Variants in RICTOR observed in about 807,000 individuals in gnomAD.
The protein encoded by RICTOR is RPTOR independent companion of MTOR complex 2.
RICTOR carries 49 observed loss-of-function variants against 214.9 expected under a neutral mutation model. The ratio of observed to expected loss-of-function variants is 0.23; its 90% confidence interval spans 0.18 to 0.29. The LOEUF (loss-of-function observed/expected upper bound fraction) is 0.29, where lower values mean the gene tolerates loss of function less well. RICTOR is among the 10% of genes least tolerant of loss of function. The pLI is 1.00. For missense variants in RICTOR, 1,625 were observed against 2,047.0 expected (o/e 0.79, Z 3.98); for synonymous variants, 717 against 711.3 (o/e 1.01, Z -0.13).
chr5:39,009,294 C>T (rs1754309058), intron 3 of RICTOR, among the ~76,000 whole-genome samples: 1 of 152,038 alleles, frequency 6.6e-6, no homozygotes, highest in Non-Finnish European at 1.5e-5. Flanking sequence ...AATATATGAC[C>T]ATTTATCACT....
At chr5:38,944,386 T>C (rs1747941697) in intron 36 of RICTOR, 60 bp downstream of exon 36, 5 of 1,523,348 alleles carry the variant, frequency 3.3e-6, no homozygotes, top group Non-Finnish European at 3.6e-6. Flanking sequence ...ATTTCAAGTA[T>C]CTTTTCTCGA....
At chr5:39,015,986 C>A (rs1407786386) in intron 3 of RICTOR, among the ~76,000 whole-genome samples, 1 of 152,108 alleles carries the variant, frequency 6.6e-6, no homozygotes, top group East Asian at 1.9e-4. Flanking sequence ...CCCAGCACAT[C>A]ACTAAGCAGC....
In RICTOR at chr5:38,942,988, T is replaced by C. The variant is rs374761755; in HGVS notation, c.4914-17A>G. ...TCCTTAATTCTAAAATAAAAGATTA[T>C]GGTGTGATGAAAACTGTAATCATGA... is the stretch of plus-strand genomic sequence containing the variant. On this transcript the variant is annotated splice_polypyrimidine_tract_variant and intron_variant, in intron 36 of 37. Transcript: ENST00000357387. 2.5e-5 allele frequency: 39 copies of C among 1,573,768 alleles called. No individual in the cohort carries two copies. The highest frequency in any genetic ancestry group is 3.3e-5 in the Non-Finnish European group (38 of 1,144,034).
At position 38,938,416 on chromosome 5, in the gene RICTOR, C is replaced by T. The variant is rs1025722556; in HGVS notation, c.*3888G>A. ...AATTTTTTTCACTCCCCCTCTCTGC[C>T]CCAAGACTTTGCATTTTGTGCTAAA... On this transcript the variant is annotated 3_prime_UTR_variant, in exon 38 of 38. Coordinates refer to ENST00000357387, the MANE Select transcript of RICTOR (RefSeq NM_152756.5). The T allele has an allele frequency of 1.3e-5, 3 of 230,958 alleles. No homozygotes were observed. The highest frequency in any genetic ancestry group is 6.7e-5 in the African/African-American group (3 of 45,094). 14.3% of individuals were successfully genotyped at this position (230,958 alleles called of 1,614,324 possible). A position where few individuals can be genotyped will look rare whatever the true frequency, so the allele number is the denominator to read the frequency against.
chr5:39,003,727 T>C (rs1753820637), intron 3 of RICTOR, 105 bp from the exon 4 acceptor site: 1 of 622,582 alleles, frequency 1.6e-6, no homozygotes, highest in Non-Finnish European at 2.7e-6. Flanking sequence ...TATGGAATAA[T>C]ATTTTGAAAA....
chr5:39,027,550 C>T (rs549519221), intron 2 of RICTOR, among the ~76,000 whole-genome samples: 1 of 152,048 alleles, frequency 6.6e-6, no homozygotes, highest in Non-Finnish European at 1.5e-5. Flanking sequence ...TATTGCATGG[C>T]ACGTATATAG....
At chr5:38,956,728 T>C (rs1383223597) in intron 25 of RICTOR, among the ~76,000 whole-genome samples, 2 of 152,162 alleles carry the variant, frequency 1.3e-5, no homozygotes, top group Non-Finnish European at 2.9e-5. Flanking sequence ...ACTGCACCAA[T>C]ATTCTAAGCA....
Position 38,968,000 on chromosome 5 carries a change from A to G in RICTOR, c.1003T>C (p.Phe335Leu), listed in dbSNP as rs759977003. The change falls in exon 12 of 38, where the codon TTT becomes CTT. Residue 335 changes from phenylalanine to leucine, a missense_variant. This residue lies in a region of RICTOR where 258 missense variants were observed against 393.7 expected (regional missense o/e 0.66). Coordinates refer to ENST00000357387, the MANE Select transcript of RICTOR (RefSeq NM_152756.5). ...RGLLEVLYDI[F>L]RLPLPVVTEE... ...GTCACAACAGGTAGAGGAAGACGAA[A>G]TATATCATAAAGCACTTCAAGTAGA... 2 of 1,607,146 alleles carry G rather than the reference A, an allele frequency of 1.2e-6. No individual in the cohort carries two copies. The highest frequency in any genetic ancestry group is 1.7e-6 in the Non-Finnish European group (2 of 1,173,968).
intron 6 of RICTOR, among the ~76,000 whole-genome samples, chr5:38,994,841 C>CGAAAA (rs1261841747): frequency 6.6e-6 from 1 of 152,128 alleles, no homozygotes; most frequent in Non-Finnish European, 1.5e-5. Context: ...TTGAAATTGT[C>CGAAAA]TTTTCTTCTG....
intron 8 of RICTOR, 112 bp downstream of exon 8, chr5:38,981,755 T>A: frequency 1.4e-6 from 1 of 691,202 alleles, no homozygotes; most frequent in Non-Finnish European, 2.3e-6. Context: ...TGTCGGCTAA[T>A]TTAGGCTTGA....
chr5:39,065,851 C>G (rs1054733449), intron 2 of RICTOR, among the ~76,000 whole-genome samples: 1 of 152,264 alleles, frequency 6.6e-6, no homozygotes, highest in African/African-American at 2.4e-5. Context: ...GGCAACTCTG[C>G]CCTGTGGCTT....
intron 5 of RICTOR, among the ~76,000 whole-genome samples, chr5:39,000,591 A>G (rs1753539311): frequency 6.6e-6 from 1 of 152,002 alleles, no homozygotes; most frequent in South Asian, 2.1e-4. Flanking sequence ...ATCGAAACAA[A>G]CTTGTCCATT....
intron 29 of RICTOR, 26 bp from the exon 30 acceptor site, chr5:38,952,451 C>G (rs953142152): frequency 7.0e-7 from 1 of 1,433,746 alleles, no homozygotes; most frequent in South Asian, 1.2e-5. Flanking sequence ...GCAGTAAAAA[C>G]AGTTATAATT....
At chr5:39,016,891 T>C (rs143009488) in intron 3 of RICTOR, among the ~76,000 whole-genome samples, 56 of 152,294 alleles carry the variant, frequency 3.7e-4, no homozygotes, top group Non-Finnish European at 6.5e-4. Context: ...TATGAAAAAA[T>C]AGTAAAATAA....
In RICTOR at chr5:38,952,184, C is replaced by T. The variant is rs1748849171; in HGVS notation, c.3127+12G>A. 6.8e-7 allele frequency: 1 copy of T among 1,470,882 alleles called. No individual in the cohort carries two copies. The allele number at this position is 1,470,882 out of a possible 1,614,324, so 91.1% of individuals were successfully genotyped here. A position where few individuals can be genotyped will look rare whatever the true frequency, so the allele number is the denominator to read the frequency against. On this transcript the variant is annotated intron_variant, in intron 30 of 37. Transcript: ENST00000357387. ...ATTGGCTAACTTTATATGAACCTGT[C>T]AGGATACTCACTCGATGGCACAGAT...
chr5:38,938,590 C>T lies in RICTOR; in HGVS notation c.*3714G>A. 1 of 232,654 alleles carries T rather than the reference C, an allele frequency of 4.3e-6. No homozygotes were observed. Among genetic ancestry groups the T allele is most frequent in the Non-Finnish European group, 8.5e-6 (1 of 117,648 alleles). 14.4% of individuals were successfully genotyped at this position (232,654 alleles called of 1,614,324 possible). A position where few individuals can be genotyped will look rare whatever the true frequency, so the allele number is the denominator to read the frequency against. On this transcript the variant is annotated 3_prime_UTR_variant, in exon 38 of 38. Coordinates refer to ENST00000357387, the MANE Select transcript of RICTOR (RefSeq NM_152756.5). ...CGATACTTACATTACAAAAATACTC[C>T]AAACAGGAAAAAAGTCCACATTCTG...
intron 2 of RICTOR, among the ~76,000 whole-genome samples, chr5:39,033,852 T>A (rs1034764828): frequency 6.6e-6 from 1 of 152,142 alleles, no homozygotes; most frequent in Non-Finnish European, 1.5e-5. Context: ...AACAAACAAA[T>A]AACTATATGT....
chr5:38,982,116 G>T, intron 7 of RICTOR, 80 bp from the exon 8 acceptor site: 1 of 1,042,800 alleles, frequency 9.6e-7, no homozygotes, highest in Non-Finnish European at 1.4e-6. Context: ...AAACTTAATT[G>T]CCTTTCTGAC....
chr5:39,000,477 T>C (rs1753531584), intron 5 of RICTOR, among the ~76,000 whole-genome samples: 1 of 151,978 alleles, frequency 6.6e-6, no homozygotes, highest in Non-Finnish European at 1.5e-5. Flanking sequence ...AATAGTGGTG[T>C]TTATTTAAAG....
Sources: allele counts gnomAD v4.1 joint callset (sites outside exome capture counted in the v4.1 genomes callset), GRCh38; gene constraint gnomAD v4.1.1; regional missense constraint gnomAD v4.1.1; transcripts MANE v1.5; gene names NCBI Gene and HGNC (gene_info 2026-07-23, HGNC 2026-07-21).